Variants in NYAP2 observed in about 807,000 individuals in gnomAD.
NYAP2 encodes neuronal tyrosine-phosphorylated phosphoinositide-3-kinase adaptor 2, also known as neuronal tyrosine-phosphorylated phosphoinositide-3-kinase adapter 2.
A neutral mutation model predicts 50.4 loss-of-function variants in NYAP2; 23 were observed. That is an observed-to-expected ratio of 0.46 (90% CI 0.33 to 0.65). The LOEUF (loss-of-function observed/expected upper bound fraction) is 0.65, where lower values mean the gene tolerates loss of function less well. NYAP2 is among the 30% of genes least tolerant of loss of function. NYAP2 has a pLI of 0.02. For synonymous variants in NYAP2, 394 were observed against 365.2 expected (o/e 1.08, Z -0.90); for missense variants, 885 against 861.0 (o/e 1.03, Z -0.35).
chr2:225,686,048 C>G, the NYAP2 span, among the ~76,000 whole-genome samples: 1 of 152,084 alleles, frequency 6.6e-6, no homozygotes, highest in Non-Finnish European at 1.5e-5. Flanking sequence ...TATGTATGCT[C>G]TGTATACATG....
At chr2:225,402,302 T>TA (rs1490819841) in intron 2 of NYAP2, among the ~76,000 whole-genome samples, 1 of 151,922 alleles carries the variant, frequency 6.6e-6, no homozygotes. Context: ...GGTTATTGTT[T>TA]AAAAAAATAA....
At chr2:225,677,781 ATT>A in the NYAP2 span, among the ~76,000 whole-genome samples, 1 of 152,120 alleles carries the variant, frequency 6.6e-6, no homozygotes, top group African/African-American at 2.4e-5. Context: ...ATCATCTTAA[ATT>A]AATTTTTTGA....
At chr2:225,401,295 T>A (rs1694857763) in intron 2 of NYAP2, among the ~76,000 whole-genome samples, 1 of 152,102 alleles carries the variant, frequency 6.6e-6, no homozygotes, top group Admixed American at 6.6e-5. Context: ...TAGATTTTCA[T>A]TAGTAAAATA....
intron 4 of NYAP2, among the ~76,000 whole-genome samples, chr2:225,527,319 C>T (rs1181943564): frequency 1.3e-5 from 2 of 152,076 alleles, no homozygotes; most frequent in Non-Finnish European, 2.9e-5. Flanking sequence ...AACGAACTAC[C>T]ACAAATGTAA....
chr2:225,404,646 T>C (rs559092632), intron 2 of NYAP2, among the ~76,000 whole-genome samples: 115 of 152,092 alleles, frequency 7.6e-4, no homozygotes, highest in Non-Finnish European at 1.4e-3. Context: ...GTCACAGTAT[T>C]ATACAAAGTG....
At chr2:225,520,861 G>T (rs1303760183) in intron 4 of NYAP2, among the ~76,000 whole-genome samples, 3 of 152,076 alleles carry the variant, frequency 2.0e-5, no homozygotes, top group African/African-American at 7.3e-5. Flanking sequence ...AATTACCTTG[G>T]GCAGTATGGC....
At chr2:225,522,722 G>T (rs1362642654) in intron 4 of NYAP2, among the ~76,000 whole-genome samples, 1 of 152,054 alleles carries the variant, frequency 6.6e-6, no homozygotes, top group South Asian at 2.1e-4. Flanking sequence ...AACAGTTTTG[G>T]TTCTACTTCA....
intron 3 of NYAP2, among the ~76,000 whole-genome samples, chr2:225,420,601 C>T (rs1695198360): frequency 2.6e-5 from 1 of 38,700 alleles, no homozygotes; most frequent in African/African-American, 1.3e-4. Context: ...TTTTCTTTTT[C>T]TTTTCTTTTC....
chr2:225,635,583 A>G (rs1693400074), intron 6 of NYAP2, among the ~76,000 whole-genome samples: 1 of 152,238 alleles, frequency 6.6e-6, no homozygotes. Flanking sequence ...AGCACATTGC[A>G]AATATGATAA....
chr2:225,469,709 A>G (rs1453134193), intron 3 of NYAP2, among the ~76,000 whole-genome samples: 3 of 152,346 alleles, frequency 2.0e-5, no homozygotes, highest in African/African-American at 7.2e-5. Flanking sequence ...AGGGACATGG[A>G]TGAAGCTGGA....
chr2:225,536,624 C>T (rs1474160999), intron 4 of NYAP2, among the ~76,000 whole-genome samples: 6 of 152,088 alleles, frequency 3.9e-5, no homozygotes, highest in South Asian at 2.1e-4. Flanking sequence ...GTAATAATCA[C>T]GTCAGGGCAA....
At chr2:225,513,520 T>C (rs763539370) in exon 4 of NYAP2, 2 of 1,613,678 alleles carry the variant, frequency 1.2e-6, no homozygotes, top group Non-Finnish European at 1.7e-6. Flanking sequence ...CTGCACTCGG[T>C]TGGGGGCACA....
rs386392796 is a variant in NYAP2 at position 225,625,043 on chromosome 2, T to TAAAAAAAA, written c.1619-1852_1619-1845dup. Among the ~76,000 whole-genome samples, 103 of 69,616 alleles carry TAAAAAAAA rather than the reference T, an allele frequency of 1.5e-3. 3 individuals carry two copies. The highest frequency in any genetic ancestry group is 5.5e-3 in the African/African-American group (92 of 16,778). 45.7% of individuals were successfully genotyped at this position (69,616 alleles called of 152,430 possible). A position where few individuals can be genotyped will look rare whatever the true frequency, so the allele number is the denominator to read the frequency against. ...GTTGATAAGGATTTTAACCCAAGCG[T>TAAAAAAAA]AAAAAAAAAAAAAAAAAAAAAAAAA... On this transcript the variant is annotated intron_variant, in intron 5 of 6. Transcript: ENST00000636099.
At chr2:225,641,364 G>A (rs937327111) in intron 6 of NYAP2, among the ~76,000 whole-genome samples, 2 of 149,438 alleles carry the variant, frequency 1.3e-5, no homozygotes, top group East Asian at 2.0e-4. Context: ...CCCAGAATAC[G>A]TATCAAATAA....
intron 4 of NYAP2, among the ~76,000 whole-genome samples, chr2:225,530,463 C>A (rs12052289): frequency 6.6e-6 from 1 of 152,164 alleles, no homozygotes; most frequent in Non-Finnish European, 1.5e-5. Flanking sequence ...TATGTCTCTT[C>A]AGCATTTTAG....
intron 6 of NYAP2, among the ~76,000 whole-genome samples, chr2:225,632,032 A>G (rs1003265733): frequency 2.0e-5 from 3 of 152,096 alleles, no homozygotes; most frequent in Non-Finnish European, 2.9e-5. Flanking sequence ...TGATCAGGCT[A>G]GTCTCAAACT....
chr2:225,635,768 C>G (rs1364365682), intron 6 of NYAP2, among the ~76,000 whole-genome samples: 2 of 152,122 alleles, frequency 1.3e-5, no homozygotes, highest in Non-Finnish European at 2.9e-5. Context: ...GAATGAGGGG[C>G]AGGTCTTAAG....
chr2:225,454,136 CA>C (rs1197121661), intron 3 of NYAP2, among the ~76,000 whole-genome samples: 1 of 151,950 alleles, frequency 6.6e-6, no homozygotes, highest in East Asian at 1.9e-4. Flanking sequence ...CCAGCCTGGA[CA>C]ACATAGCGAG....
the NYAP2 span, among the ~76,000 whole-genome samples, chr2:225,697,511 TCTA>T: frequency 6.6e-6 from 1 of 151,972 alleles, no homozygotes; most frequent in African/African-American, 2.4e-5. Context: ...TTAAAAATAT[TCTA>T]CTACATTCTG....
Sources: gnomAD v4.1 joint callset for allele counts (sites outside exome capture counted in the v4.1 genomes callset) on GRCh38, gnomAD v4.1.1 for gene constraint, MANE v1.5 for transcripts, NCBI Gene and HGNC (gene_info 2026-07-23, HGNC 2026-07-21) for gene names.